The following ALK variants were observed in gnomAD, a reference collection of about 807,000 sequenced individuals.
ALK encodes ALK receptor tyrosine kinase, also known as ALK tyrosine kinase receptor.
A neutral mutation model predicts 163.1 loss-of-function variants in ALK; 74 were observed. That is an observed-to-expected ratio of 0.45 (90% CI 0.38 to 0.55). The LOEUF (loss-of-function observed/expected upper bound fraction) is 0.55, where lower values mean the gene tolerates loss of function less well. Among genes scored for constraint, ALK ranks in the 20% least tolerant of loss-of-function variants. The pLI is 0.00. For missense variants in ALK, 2,063 were observed against 2,105.3 expected (o/e 0.98, Z 0.39); for synonymous variants, 960 against 843.2 (o/e 1.14, Z -2.40).
chr2:29,435,279 CCCT>C (rs1448575738), intron 4 of ALK, among the ~76,000 whole-genome samples: 2 of 152,064 alleles, frequency 1.3e-5, no homozygotes, highest in African/African-American at 4.8e-5. Context: ...GAACCATGAA[CCCT>C]CCTACTGGAA....
At chr2:29,801,359 T>C (rs991200014) in intron 1 of ALK, among the ~76,000 whole-genome samples, 2 of 152,174 alleles carry the variant, frequency 1.3e-5, no homozygotes, top group Admixed American at 6.5e-5. Context: ...CCAGAGACAG[T>C]TTTATTAAAA....
chr2:29,669,820 T>C (rs1001986119), intron 3 of ALK, among the ~76,000 whole-genome samples: 1 of 152,008 alleles, frequency 6.6e-6, no homozygotes, highest in South Asian at 2.1e-4. Context: ...TAATAAGTTG[T>C]TTTAAAGAGA....
intron 5 of ALK, among the ~76,000 whole-genome samples, chr2:29,366,715 C>T (rs546545490): frequency 2.0e-5 from 3 of 152,250 alleles, no homozygotes; most frequent in African/African-American, 7.2e-5. Flanking sequence ...TGTTTACTTA[C>T]ACTTCAGAGG....
chr2:29,300,689 GACATTTGTT>G (rs1322447746), intron 8 of ALK, among the ~76,000 whole-genome samples: 1 of 152,204 alleles, frequency 6.6e-6, no homozygotes. Flanking sequence ...GTAAGCCTTG[GACATTTGTT>G]ACATCCAGAG....
intron 4 of ALK, among the ~76,000 whole-genome samples, chr2:29,398,216 CTT>C (rs1429987321): frequency 6.6e-6 from 1 of 152,158 alleles, no homozygotes; most frequent in Non-Finnish European, 1.5e-5. Flanking sequence ...TTCTCTCAGA[CTT>C]TGAATCAATA....
At chr2:29,712,716 G>T (rs923406410) in intron 2 of ALK, among the ~76,000 whole-genome samples, 2 of 151,988 alleles carry the variant, frequency 1.3e-5, no homozygotes, top group Non-Finnish European at 2.9e-5. Context: ...GCAGTGGCAG[G>T]GAAAGTAATT....
intron 3 of ALK, 42 bp downstream of exon 3, chr2:29,694,808 G>GCCCTGA: frequency 6.2e-7 from 1 of 1,611,240 alleles, no homozygotes; most frequent in Non-Finnish European, 8.5e-7. Context: ...TTCCAGCCTG[G>GCCCTGA]CCCTGACCCA....
chr2:29,726,167 A>G (rs1679569254), intron 1 of ALK, among the ~76,000 whole-genome samples: 1 of 151,500 alleles, frequency 6.6e-6, no homozygotes, highest in African/African-American at 2.4e-5. Context: ...CGCACTCCCT[A>G]CCCCCGTAAG....
At chr2:29,862,604 G>C (rs1180439332) in intron 1 of ALK, among the ~76,000 whole-genome samples, 4 of 151,974 alleles carry the variant, frequency 2.6e-5, no homozygotes, top group African/African-American at 9.7e-5. Flanking sequence ...ATAAAACATT[G>C]ATGAAAGAAA....
intron 26 of ALK, among the ~76,000 whole-genome samples, chr2:29,202,509 CCT>C (rs1669208191): frequency 1.3e-5 from 2 of 152,226 alleles, no homozygotes; most frequent in Admixed American, 6.5e-5. Flanking sequence ...ACCCCACCTC[CCT>C]CTCTCTGCTC....
rs186601415 is a variant in ALK, at chr2:29,498,928, C to T, written c.1154+32987G>A. On this transcript the variant is annotated intron_variant, in intron 4 of 28. Transcript: ENST00000389048. ...TTCACAGGAGTATAGCATTTGGAAGCTAGAAGATCACCTACTCCAAACACT... is the reference window on the plus strand; with the variant it reads ...TTCACAGGAGTATAGCATTTGGAAGTTAGAAGATCACCTACTCCAAACACT... Among the ~76,000 whole-genome samples the T allele has an allele frequency of 8.7e-3, 1,323 of 152,212 alleles. 12 individuals carry two copies. The highest frequency in any genetic ancestry group is 0.011 in the Non-Finnish European group (753 of 68,014).
At position 29,477,708 on chromosome 2, in the gene ALK, G is replaced by A. The variant is rs116207332; in HGVS notation, c.1154+54207C>T. ...AGAGGTACAGTGACAGCAGGCAGAG[G>A]GATGGAGAGGGATGCGAGGGAACTG... On this transcript the variant is annotated intron_variant, in intron 4 of 28. Transcript: ENST00000389048. 3.7e-3 allele frequency among the ~76,000 whole-genome samples: 564 copies of A among 152,290 alleles called. 5 individuals are homozygous for A. The highest frequency in any genetic ancestry group is 0.012 in the African/African-American group (490 of 41,538).
chr2:29,663,880 A>C (rs2148264238), intron 3 of ALK, among the ~76,000 whole-genome samples: 1 of 152,284 alleles, frequency 6.6e-6, no homozygotes, highest in South Asian at 2.1e-4. Flanking sequence ...ATGTCAAGTA[A>C]CAAAACAAAG....
chr2:29,637,802 T>C lies in ALK; in HGVS notation c.952+57048A>G, dbSNP rs987208378. Among the ~76,000 whole-genome samples, 34 of 151,922 alleles carry C rather than the reference T, an allele frequency of 2.2e-4. 1 individual carries two copies. Among genetic ancestry groups the C allele is most frequent in the Admixed American group, 3.9e-4 (6 of 15,264 alleles). ...TATCATGGTTGTGATATCACACTTA[T>C]GTTTTCAAGATATTACTGTTAGTGG... On this transcript the variant is annotated intron_variant, in intron 3 of 28. Coordinates refer to ENST00000389048, the MANE Select transcript of ALK (RefSeq NM_004304.5).
chr2:29,482,537 G>A (rs1433355013), intron 4 of ALK, among the ~76,000 whole-genome samples: 1 of 152,154 alleles, frequency 6.6e-6, no homozygotes, highest in East Asian at 1.9e-4. Flanking sequence ...CCTGGGAAAA[G>A]TGACCTGATG....
intron 3 of ALK, among the ~76,000 whole-genome samples, chr2:29,645,009 C>CT (rs1676830428): frequency 6.6e-6 from 1 of 152,164 alleles, no homozygotes; most frequent in African/African-American, 2.4e-5. Flanking sequence ...GTCCCACAGT[C>CT]TTGGAGGCCT....
chr2:29,791,299 C>T (rs1377782963), intron 1 of ALK, among the ~76,000 whole-genome samples: 2 of 152,114 alleles, frequency 1.3e-5, no homozygotes, highest in Non-Finnish European at 2.9e-5. Flanking sequence ...ACTATGCAGC[C>T]ATAAAAAAGG....
intron 3 of ALK, among the ~76,000 whole-genome samples, chr2:29,640,177 T>C (rs1341714457): frequency 2.0e-5 from 3 of 152,182 alleles, no homozygotes; most frequent in Admixed American, 1.3e-4. Context: ...AACATTCATC[T>C]CCTCAGTAAG....
At chr2:29,509,877 T>A (rs1440196646) in intron 4 of ALK, among the ~76,000 whole-genome samples, 2 of 152,100 alleles carry the variant, frequency 1.3e-5, no homozygotes, top group Non-Finnish European at 2.9e-5. Flanking sequence ...TACAAGGCAA[T>A]CGAAAGGTAG....
Sources: allele counts gnomAD v4.1 joint callset (sites outside exome capture counted in the v4.1 genomes callset), GRCh38; gene constraint gnomAD v4.1.1; transcripts MANE v1.5; gene names NCBI Gene and HGNC (gene_info 2026-07-23, HGNC 2026-07-21).